The following ZFP1 variants were observed in gnomAD, a reference collection of about 807,000 sequenced individuals.
The protein encoded by ZFP1 is zinc finger protein 1 homolog.
A neutral mutation model predicts 38.5 loss-of-function variants in ZFP1; 32 were observed. That is an observed-to-expected ratio of 0.83 (90% confidence interval 0.63 to 1.12). The LOEUF is 1.12. Ranked by LOEUF, ZFP1 falls within the 50% of genes most tolerant of loss-of-function variation. The pLI is 0.00. For synonymous variants in ZFP1, 245 were observed against 168.8 expected (o/e 1.45, Z -3.50); for missense variants, 616 against 480.8 (o/e 1.28, Z -2.63).
chr16:75,126,294 C>T, the ZFP1 span: 57,178 of 151,466 alleles, frequency 0.38, 12,036 homozygotes, highest in Middle Eastern at 0.56. Flanking sequence ...GGACTACAGG[C>T]GTGCATCACC....
intron 2 of ZFP1, among the ~76,000 whole-genome samples, chr16:75,153,337 G>C (rs1013525992): frequency 2.6e-5 from 4 of 152,180 alleles, no homozygotes; most frequent in African/African-American, 9.7e-5. Flanking sequence ...TTTCCAGTCA[G>C]ATTAGCCTAA....
chr16:75,121,827 A>T, the ZFP1 span, among the ~76,000 whole-genome samples: 1 of 152,234 alleles, frequency 6.6e-6, no homozygotes, highest in South Asian at 2.1e-4. Context: ...TAAAATTATT[A>T]ATAAATAAGC....
intron 3 of ZFP1, 63 bp from the exon 4 acceptor site, chr16:75,169,190 C>CA: frequency 6.6e-7 from 1 of 1,516,168 alleles, no homozygotes; most frequent in Non-Finnish European, 8.8e-7. Flanking sequence ...GAAGACTTCC[C>CA]ATTCGGTAAC....
chr16:75,125,314 CTTTTG>C, the ZFP1 span, among the ~76,000 whole-genome samples: 1 of 151,940 alleles, frequency 6.6e-6, no homozygotes, highest in African/African-American at 2.4e-5. Flanking sequence ...CCTGTATGTA[CTTTTG>C]TTTGTTTGTT....
At chr16:75,142,362 TA>T in the ZFP1 span, among the ~76,000 whole-genome samples, 10,276 of 136,340 alleles carry the variant, frequency 0.075, 1,219 homozygotes, top group African/African-American at 0.25. Context: ...CAAGACTTCC[TA>T]AAAAAAAAAA....
chr16:75,125,772 G>T, the ZFP1 span, among the ~76,000 whole-genome samples: 1 of 151,934 alleles, frequency 6.6e-6, no homozygotes, highest in Non-Finnish European at 1.5e-5. Flanking sequence ...GCCGGGTGCG[G>T]TGGCTCATGA....
chr16:75,127,430 A>G, the ZFP1 span, among the ~76,000 whole-genome samples: 1 of 152,100 alleles, frequency 6.6e-6, no homozygotes, highest in Non-Finnish European at 1.5e-5. Context: ...GGGAAGCATG[A>G]GGAGATCAGT....
chr16:75,164,811 T>TTA (rs199578413), intron 2 of ZFP1, among the ~76,000 whole-genome samples: 1,446 of 34,712 alleles, frequency 0.042, 96 homozygotes, highest in East Asian at 0.28. Flanking sequence ...TTCCATAAGT[T>TTA]TTTTTTTTTT....
chr16:75,140,822 G>A, the ZFP1 span, among the ~76,000 whole-genome samples: 4 of 152,070 alleles, frequency 2.6e-5, no homozygotes, highest in Non-Finnish European at 5.9e-5. Context: ...AGCCGGGCGT[G>A]GTGTTGGGCG....
chr16:75,125,018 T>C, the ZFP1 span, among the ~76,000 whole-genome samples: 2 of 152,104 alleles, frequency 1.3e-5, no homozygotes, highest in East Asian at 3.9e-4. Flanking sequence ...TCCCAACACT[T>C]TGGGAGGCCG....
the ZFP1 span, among the ~76,000 whole-genome samples, chr16:75,134,254 A>C: frequency 2.0e-5 from 3 of 152,236 alleles, no homozygotes; most frequent in Admixed American, 1.3e-4. Context: ...ATGTTATGTT[A>C]GGTGAATTTT....
chr16:75,119,530 T>C, the ZFP1 span: 1 of 152,158 alleles, frequency 6.6e-6, no homozygotes, highest in African/African-American at 2.4e-5. Context: ...TGAGGGTTTT[T>C]CCCTGCTTCT....
intron 3 of ZFP1, among the ~76,000 whole-genome samples, chr16:75,167,435 C>T (rs1052614572): frequency 6.6e-6 from 1 of 151,136 alleles, no homozygotes; most frequent in Non-Finnish European, 1.5e-5. Context: ...ATATTTGCCT[C>T]TCACACTTGA....
At chr16:75,142,636 G>A in the ZFP1 span, among the ~76,000 whole-genome samples, 1 of 152,300 alleles carries the variant, frequency 6.6e-6, no homozygotes, top group South Asian at 2.1e-4. Flanking sequence ...ACATACTGAA[G>A]ACTACCCAGT....
At chr16:75,130,770 G>T in the ZFP1 span, among the ~76,000 whole-genome samples, 1 of 151,770 alleles carries the variant, frequency 6.6e-6, no homozygotes, top group Non-Finnish European at 1.5e-5. Context: ...GCTACCTACC[G>T]TAATACTCAC....
chr16:75,138,102 T>A, the ZFP1 span, among the ~76,000 whole-genome samples: 1 of 142,582 alleles, frequency 7.0e-6, no homozygotes, highest in Admixed American at 7.7e-5. Context: ...AGTGGTGTGA[T>A]CTTGGCTCAC....
intron 2 of ZFP1, among the ~76,000 whole-genome samples, chr16:75,161,026 T>A (rs552794662): frequency 6.6e-6 from 1 of 152,240 alleles, no homozygotes; most frequent in South Asian, 2.1e-4. Context: ...TAGATCCTAG[T>A]TGCTTTACAG....
chr16:75,163,890 A>T (rs1484147426), intron 2 of ZFP1, among the ~76,000 whole-genome samples: 1 of 152,140 alleles, frequency 6.6e-6, no homozygotes, highest in African/African-American at 2.4e-5. Context: ...GATTACACAC[A>T]TGAGCCACAG....
chr16:75,147,515 C>T (rs1354391471), upstream of ZFP1, among the ~76,000 whole-genome samples: 5 of 150,304 alleles, frequency 3.3e-5, no homozygotes, highest in Admixed American at 6.7e-5. Flanking sequence ...TCAAATTCCT[C>T]GGCTCAAGCA....
Sources: gnomAD v4.1 joint callset for allele counts (sites outside exome capture counted in the v4.1 genomes callset) on GRCh38, gnomAD v4.1.1 for gene constraint, MANE v1.5 for transcripts, NCBI Gene and HGNC (gene_info 2026-07-23, HGNC 2026-07-21) for gene names.